DYNLL1: variants seen among roughly 807,000 people sequenced by gnomAD.
DYNLL1 encodes dynein light chain 1, cytoplasmic.
In DYNLL1, 3 loss-of-function variants were observed where a neutral mutation model predicts 10.1. The observed-to-expected ratio is 0.30, with a 90% confidence interval of 0.14 to 0.77. The LOEUF is 0.77. Ranked by LOEUF, DYNLL1 falls within the 30% of genes least tolerant of loss-of-function variation. DYNLL1 has a pLI of 0.66. For synonymous variants in DYNLL1, 46 were observed against 41.2 expected, an observed-to-expected ratio of 1.12 and a Z score of -0.45; for missense variants, 47 against 111.7, an observed-to-expected ratio of 0.42 and a Z score of 2.61.
At chr12:120,496,035 C>A, upstream of DYNLL1, 2 of 346,890 alleles carry the variant, frequency 5.8e-6, no homozygotes, top group South Asian at 6.0e-5. Flanking sequence ...CCAATAGGGT[C>A]GCGCGGCGAG....
intron 1 of DYNLL1, among the ~76,000 whole-genome samples, chr12:120,478,626 C>A (rs1426332474): frequency 6.8e-6 from 1 of 147,784 alleles, no homozygotes; most frequent in Non-Finnish European, 1.5e-5. Context: ...CTGAGGCGGG[C>A]AGATCACTTG....
At chr12:120,491,000 G>A (rs1026490669) in intron 1 of DYNLL1, 3 of 152,636 alleles carry the variant, frequency 2.0e-5, no homozygotes, top group African/African-American at 7.2e-5. Flanking sequence ...CCATTTTACA[G>A]ATGAGGAACC....
intron 1 of DYNLL1, among the ~76,000 whole-genome samples, chr12:120,472,827 C>A (rs606443): frequency 0.73 from 110,804 of 152,070 alleles, 41,496 homozygotes; most frequent in African/African-American, 0.91. Flanking sequence ...CAGCTAAATC[C>A]TTAGGAGGCA....
At chr12:120,477,568 T>C (rs1878782754) in intron 1 of DYNLL1, among the ~76,000 whole-genome samples, 1 of 151,782 alleles carries the variant, frequency 6.6e-6, no homozygotes, top group Admixed American at 6.6e-5. Flanking sequence ...CTAGGAAACC[T>C]AGTAGATCCC....
At chr12:120,472,922 G>A (rs1380415400) in intron 1 of DYNLL1, among the ~76,000 whole-genome samples, 1 of 152,140 alleles carries the variant, frequency 6.6e-6, no homozygotes, top group Non-Finnish European at 1.5e-5. Flanking sequence ...ATGACTTCAT[G>A]TTCAAAGGGT....
chr12:120,496,495 C>G lies in DYNLL1; in HGVS notation c.74C>G (p.Ala25Gly). ...EEMQQDSVEC[A>G]TQALEKYNIE... Reference sequence around the variant, plus strand: ...ATGCAACAGGACTCGGTGGAGTGCGCTACTCAGGCGCTGGAGAAATACAAC... The same window carrying G: ...ATGCAACAGGACTCGGTGGAGTGCGGTACTCAGGCGCTGGAGAAATACAAC... Residue 25 changes from alanine (A) to glycine (G), a missense_variant, in exon 2 of 3, where the codon GCT (alanine) becomes GGT (glycine). Physicochemically the swap from Ala to Gly is moderately conservative, Grantham distance 60 (BLOSUM62 0). Coordinates refer to ENST00000242577, the MANE Select transcript of DYNLL1 (RefSeq NM_003746.3). 6.2e-7 allele frequency: 1 copy of G among 1,613,806 alleles called. No individual in the cohort carries two copies. Among genetic ancestry groups the G allele is most frequent in the Non-Finnish European group, 8.5e-7 (1 of 1,179,938 alleles).
chr12:120,485,795 C>T (rs1046448161), intron 1 of DYNLL1, among the ~76,000 whole-genome samples: 2 of 144,864 alleles, frequency 1.4e-5, no homozygotes, highest in South Asian at 2.2e-4. Flanking sequence ...GAGGTACGAT[C>T]GCACCACTAC....
chr12:120,486,727 C>G (rs181516379), intron 1 of DYNLL1, among the ~76,000 whole-genome samples: 3 of 152,200 alleles, frequency 2.0e-5, no homozygotes, highest in Non-Finnish European at 2.9e-5. Flanking sequence ...CTGCCTTAGC[C>G]TCCCAAAGCG....
At chr12:120,496,899 C>G in intron 2 of DYNLL1, 1 of 472,342 alleles carries the variant, frequency 2.1e-6, no homozygotes, top group Non-Finnish European at 3.7e-6. Flanking sequence ...GTGGGTGTTT[C>G]CAGCCGGGCC....
chr12:120,469,904 T>A, exon 1 of DYNLL1: 1 of 216,254 alleles, frequency 4.6e-6, no homozygotes, highest in Non-Finnish European at 9.1e-6. Flanking sequence ...CGAGCGCGGT[T>A]CGCGCTCGGC....
At chr12:120,496,992 T>A in intron 2 of DYNLL1, 1 of 290,514 alleles carries the variant, frequency 3.4e-6, no homozygotes, top group South Asian at 6.0e-5. Context: ...GGGTAGGGGC[T>A]TGGTAAATGG....
chr12:120,474,739 C>T (rs1174129092), intron 1 of DYNLL1, among the ~76,000 whole-genome samples: 2 of 152,150 alleles, frequency 1.3e-5, no homozygotes, highest in Non-Finnish European at 2.9e-5. Context: ...TCCTCCCAGA[C>T]CTTGGCCCTA....
rs200603709 is a variant in DYNLL1 at position 120,483,368 on chromosome 12, G to A, written c.-6-13048G>A. On this transcript the variant is annotated intron_variant, in intron 1 of 2. Transcript: ENST00000392509. ...AAAAAAAAAAGGTCAGAAGAAGAGC[G>A]AAGGTGGTGAGATATATTTTCAAGA... 1.1e-4 allele frequency among the ~76,000 whole-genome samples: 16 copies of A among 151,714 alleles called. No individual in the cohort carries two copies. In the East Asian group the frequency reaches 2.7e-3, roughly 26 times the overall value.
upstream of DYNLL1, among the ~76,000 whole-genome samples, chr12:120,494,487 G>A (rs1409001150): frequency 2.0e-5 from 3 of 151,884 alleles, no homozygotes; most frequent in African/African-American, 7.3e-5. Context: ...TGTTGATCAG[G>A]CTGGTCTCAA....
At chr12:120,471,541 A>T (rs1014910301) in intron 1 of DYNLL1, among the ~76,000 whole-genome samples, 1 of 152,158 alleles carries the variant, frequency 6.6e-6, no homozygotes, top group Non-Finnish European at 1.5e-5. Context: ...TTGGAATACA[A>T]GTTGATAGTA....
intron 1 of DYNLL1, among the ~76,000 whole-genome samples, chr12:120,476,855 GC>G (rs1214453041): frequency 6.6e-6 from 1 of 150,888 alleles, no homozygotes; most frequent in Non-Finnish European, 1.5e-5. Context: ...CAGGTGGTCC[GC>G]CCGCCTTGGC....
At chr12:120,483,358 G>A (rs671566) in intron 1 of DYNLL1, among the ~76,000 whole-genome samples, 40,641 of 150,830 alleles carry the variant, frequency 0.27, 6,596 homozygotes, top group Admixed American at 0.39. Context: ...AAAAAGGTCA[G>A]AAGAAGAGCG....
At chr12:120,471,745 G>A (rs1251598504) in intron 1 of DYNLL1, among the ~76,000 whole-genome samples, 2 of 151,954 alleles carry the variant, frequency 1.3e-5, no homozygotes, top group African/African-American at 4.8e-5. Flanking sequence ...TGAGTAGCTG[G>A]GACTACAGGT....
chr12:120,471,218 A>T (rs1878643366), intron 1 of DYNLL1, among the ~76,000 whole-genome samples: 2 of 151,300 alleles, frequency 1.3e-5, no homozygotes, highest in Admixed American at 1.3e-4. Context: ...TACAAAAAAA[A>T]AAAAAAATTA....
Sources: allele counts gnomAD v4.1 joint callset (sites outside exome capture counted in the v4.1 genomes callset), GRCh38; gene constraint gnomAD v4.1.1; transcripts MANE v1.5; gene names NCBI Gene and HGNC (gene_info 2026-07-23, HGNC 2026-07-21).